Variants in MCTP2 observed in about 807,000 individuals in gnomAD.
The protein encoded by MCTP2 is multiple C2 and transmembrane domain containing 2.
MCTP2 carries 132 observed loss-of-function variants against 111.6 expected under a neutral mutation model. The ratio of observed to expected loss-of-function variants is 1.18; its 90% confidence interval spans 1.03 to 1.37. The LOEUF is 1.37. Ranked by LOEUF, MCTP2 falls within the 40% of genes most tolerant of loss-of-function variation. The probability of loss-of-function intolerance (pLI) is 0.00; values close to 1 mark genes in which losing one functional copy is unlikely to be tolerated. For synonymous variants in MCTP2, 395 were observed against 387.7 expected, an observed-to-expected ratio of 1.02 and a Z score of -0.22; for missense variants, 1,183 against 1,067.9, an observed-to-expected ratio of 1.11 and a Z score of -1.50.
chr15:94,459,816 G>C (rs113249522), intron 20 of MCTP2, among the ~76,000 whole-genome samples: 2,415 of 152,258 alleles, frequency 0.016, 31 homozygotes, highest in Middle Eastern at 0.031. Context: ...AATAATGATA[G>C]CAACACCAAC....
chr15:94,262,221 T>C (rs1383474817), intron 1 of MCTP2, among the ~76,000 whole-genome samples: 1 of 152,230 alleles, frequency 6.6e-6, no homozygotes, highest in Non-Finnish European at 1.5e-5. Context: ...TGCACAGTTA[T>C]TAAATATAAC....
intron 20 of MCTP2, among the ~76,000 whole-genome samples, chr15:94,464,309 CTG>C (rs1233999765): frequency 1.6e-4 from 13 of 83,556 alleles, no homozygotes; most frequent in Non-Finnish European, 9.9e-5. Context: ...TTTCTCATCT[CTG>C]TTTCTGTAAA....
intron 1 of MCTP2, among the ~76,000 whole-genome samples, chr15:94,276,135 T>G (rs10152564): frequency 2.6e-5 from 4 of 151,956 alleles, no homozygotes; most frequent in Admixed American, 2.6e-4. Flanking sequence ...TGAGCCACCG[T>G]GCCTGGCCTT....
At chr15:94,383,094 T>C (rs1206488417) in intron 12 of MCTP2, among the ~76,000 whole-genome samples, 3 of 152,312 alleles carry the variant, frequency 2.0e-5, no homozygotes, top group Middle Eastern at 3.4e-3. Context: ...TATTGAGTTA[T>C]ACTTTTTTTG....
At chr15:94,308,587 C>T (rs970745350) in intron 2 of MCTP2, among the ~76,000 whole-genome samples, 5 of 152,132 alleles carry the variant, frequency 3.3e-5, no homozygotes, top group Admixed American at 6.5e-5. Flanking sequence ...AAGTGCTCAG[C>T]GATGTACAAG....
intron 11 of MCTP2, among the ~76,000 whole-genome samples, chr15:94,369,331 A>G (rs556207251): frequency 1.8e-4 from 27 of 152,328 alleles, no homozygotes; most frequent in African/African-American, 5.8e-4. Flanking sequence ...CAGAAATAGC[A>G]TGTCCAGAGG....
In MCTP2 at chr15:94,412,990, A is replaced by T. The variant is rs529717918; in HGVS notation, c.2085+10971A>T. The stretch of plus-strand genomic sequence containing the variant: ...TTTGCATTTCATTGGCGATTTTTAC[A>T]TTTTTGATAATCTACATGTTTTCAA... On this transcript the variant is annotated intron_variant, in intron 17 of 22. Coordinates refer to ENST00000357742, the MANE Select transcript of MCTP2 (RefSeq NM_001385001.1). 5.9e-5 allele frequency among the ~76,000 whole-genome samples: 9 copies of T among 152,304 alleles called. No homozygotes were observed. In the East Asian group the frequency reaches 1.7e-3, roughly 29 times the overall value.
intron 17 of MCTP2, among the ~76,000 whole-genome samples, chr15:94,430,803 G>A (rs559942905): frequency 7.2e-5 from 11 of 152,000 alleles, no homozygotes; most frequent in South Asian, 4.2e-4. Flanking sequence ...GCATACTCCC[G>A]ATTCTGGGCC....
At chr15:94,460,822 A>G (rs895191610) in intron 20 of MCTP2, among the ~76,000 whole-genome samples, 1 of 152,230 alleles carries the variant, frequency 6.6e-6, no homozygotes, top group Non-Finnish European at 1.5e-5. Flanking sequence ...CTCAACTCCT[A>G]TTGATTCTTG....
chr15:94,240,749 A>G (rs528464532), intron 1 of MCTP2, among the ~76,000 whole-genome samples: 1 of 152,330 alleles, frequency 6.6e-6, no homozygotes, highest in South Asian at 2.1e-4. Context: ...GATCCAAGTG[A>G]TGCTGTAAAC....
intron 12 of MCTP2, 92 bp downstream of exon 12, chr15:94,370,272 T>C: frequency 4.0e-6 from 4 of 1,009,532 alleles, no homozygotes; most frequent in Non-Finnish European, 5.9e-6. Context: ...TAAGCAGAAG[T>C]ATGACTATAA....
At position 94,428,931 on chromosome 15, in the gene MCTP2, A is replaced by G. The variant is rs556402532; in HGVS notation, c.2086-11245A>G. On this transcript the variant is annotated intron_variant, in intron 17 of 22. Coordinates refer to ENST00000357742, the MANE Select transcript of MCTP2 (RefSeq NM_001385001.1). ...AGAACCTCAGGTAAGCATGGCTCCA[A>G]AAAAAAATATTTAGTGCATCCTGAC... is the stretch of plus-strand genomic sequence containing the variant. Among the ~76,000 whole-genome samples the G allele has an allele frequency of 3.3e-5, 5 of 151,936 alleles. No homozygotes were observed. In the South Asian group the frequency reaches 6.2e-4, roughly 19 times the overall value.
intron 4 of MCTP2, among the ~76,000 whole-genome samples, chr15:94,321,965 T>G (rs2076650253): frequency 6.6e-6 from 1 of 152,228 alleles, no homozygotes; most frequent in South Asian, 2.1e-4. Flanking sequence ...CATAAAAGCC[T>G]GCACCCTCAT....
rs142688460 is a variant in MCTP2 at position 94,399,951 on chromosome 15, C to A, written c.1921C>A (p.Arg641=). The A allele has an allele frequency of 2.4e-5, 39 of 1,613,750 alleles. 1 individual carries two copies. The South Asian group carries it at 3.1e-4, about 13-fold the overall frequency. The change falls in exon 16 of 23, where the codon CGG becomes AGG. Residue 641 remains arginine, a synonymous_variant. Transcript: ENST00000357742. ...VKASIRTFTP[R]EKRFVEDSRK... is the part of the protein sequence containing the mutation. ...AGCAAGTATTAGGACTTTTACTCCCCGGGAAAAGCGCTTTGTTGAAGACAG... is the reference window on the plus strand; with the variant it reads ...AGCAAGTATTAGGACTTTTACTCCCAGGGAAAAGCGCTTTGTTGAAGACAG...
intron 17 of MCTP2, among the ~76,000 whole-genome samples, chr15:94,437,154 C>CA: frequency 1.3e-5 from 1 of 77,410 alleles, no homozygotes; most frequent in South Asian, 4.0e-4. Context: ...ACTTACACAT[C>CA]CAAAAAAAAA....
intron 1 of MCTP2, among the ~76,000 whole-genome samples, chr15:94,281,071 G>GTT (rs1330685301): frequency 6.6e-6 from 1 of 152,136 alleles, no homozygotes; most frequent in African/African-American, 2.4e-5. Flanking sequence ...TTCTGTAGAA[G>GTT]TCTGTTAGGT....
In MCTP2 at chr15:94,340,242, C is replaced by T. The variant is rs1267284291; in HGVS notation, c.824C>T (p.Ala275Val). The T allele has an allele frequency of 1.9e-6, 3 of 1,612,924 alleles. No homozygotes were observed. The African/African-American group carries it at 4.0e-5, about 22-fold the overall frequency. ...ACCACATCTGATTTCATGGGTTCTG[C>T]ATTTGTCATTCTCAGTGATCTTGAG... is the stretch of plus-strand genomic sequence containing the variant. ...DLTTSDFMGS[A>V]FVILSDLELN... is the part of the protein sequence containing the mutation. The change falls in exon 6 of 23, where the codon GCA becomes GTA. Residue 275 changes from alanine to valine, a missense_variant. By Grantham distance (64) the Ala-to-Val change is moderately conservative. Transcript: ENST00000357742.
chr15:94,267,407 T>G (rs1396355714), intron 1 of MCTP2, among the ~76,000 whole-genome samples: 1 of 152,204 alleles, frequency 6.6e-6, no homozygotes, highest in Admixed American at 6.5e-5. Flanking sequence ...TTCTTTTTGT[T>G]GGTGAGTAGT....
At chr15:94,235,590 A>G (rs999846546) in intron 1 of MCTP2, among the ~76,000 whole-genome samples, 1 of 152,228 alleles carries the variant, frequency 6.6e-6, no homozygotes, top group Non-Finnish European at 1.5e-5. Context: ...TTGTATTACT[A>G]TCACTAACAT....
Sources: allele counts gnomAD v4.1 joint callset (sites outside exome capture counted in the v4.1 genomes callset), GRCh38; gene constraint gnomAD v4.1.1; transcripts MANE v1.5; gene names NCBI Gene and HGNC (gene_info 2026-07-23, HGNC 2026-07-21).